Variants in DCC observed in about 807,000 individuals in gnomAD.
The protein encoded by DCC is netrin receptor DCC.
Under a neutral mutation model 172.5 loss-of-function variants are expected in DCC, and 58 were observed. That is an observed-to-expected ratio of 0.34 (90% CI 0.27 to 0.42). The LOEUF (loss-of-function observed/expected upper bound fraction) is 0.42. Among genes scored for constraint, DCC ranks in the 10% least tolerant of loss-of-function variants. The pLI, the probability that DCC is intolerant of heterozygous loss-of-function variation, is 1.00. For missense variants in DCC, 1,740 were observed against 1,791.0 expected (o/e 0.97, Z 0.51); for synonymous variants, 709 against 644.5 (o/e 1.10, Z -1.52).
chr18:52,750,103 G>C (rs1448954513), intron 1 of DCC, among the ~76,000 whole-genome samples: 1 of 152,170 alleles, frequency 6.6e-6, no homozygotes, highest in Non-Finnish European at 1.5e-5. Context: ...GATTCAGCAA[G>C]CTTAGAGCAG....
intron 1 of DCC, among the ~76,000 whole-genome samples, chr18:52,373,889 T>A (rs1171504671): frequency 8.3e-6 from 1 of 119,932 alleles, no homozygotes; most frequent in African/African-American, 3.2e-5. Flanking sequence ...GGTTGCATCA[T>A]TTTTTTTTTT....
intron 3 of DCC, among the ~76,000 whole-genome samples, chr18:52,920,485 T>C (rs1368111645): frequency 6.6e-6 from 1 of 151,088 alleles, no homozygotes; most frequent in Non-Finnish European, 1.5e-5. Flanking sequence ...TTAAAACATC[T>C]ATTATATACC....
At chr18:52,875,030 T>G (rs961526988) in intron 2 of DCC, among the ~76,000 whole-genome samples, 1 of 152,104 alleles carries the variant, frequency 6.6e-6, no homozygotes, top group Non-Finnish European at 1.5e-5. Flanking sequence ...GAATATTGCC[T>G]TCTGGGGTGT....
chr18:52,406,924 C>T (rs746126661), intron 1 of DCC, among the ~76,000 whole-genome samples: 2 of 152,008 alleles, frequency 1.3e-5, no homozygotes, highest in South Asian at 2.1e-4. Flanking sequence ...TGGTTGCATT[C>T]TCTGCCAGGT....
intron 5 of DCC, chr18:52,940,896 G>A (rs566607846): frequency 6.6e-6 from 1 of 152,252 alleles, no homozygotes; most frequent in South Asian, 2.1e-4. Flanking sequence ...GAACAGAGTA[G>A]TATTTTAGTA....
At chr18:53,129,641 G>C (rs1358448224) in intron 7 of DCC, among the ~76,000 whole-genome samples, 2 of 151,890 alleles carry the variant, frequency 1.3e-5, no homozygotes, top group Non-Finnish European at 2.9e-5. Context: ...TTCATCCATG[G>C]TTGTGTGTGT....
chr18:53,498,847 C>G (rs1033136342), intron 26 of DCC, among the ~76,000 whole-genome samples: 2 of 152,162 alleles, frequency 1.3e-5, no homozygotes, highest in African/African-American at 4.8e-5. Context: ...CATCCTGTAA[C>G]TCTGATTTGT....
chr18:52,398,140 A>G (rs1319048046), intron 1 of DCC, among the ~76,000 whole-genome samples: 2 of 151,968 alleles, frequency 1.3e-5, no homozygotes, highest in East Asian at 1.9e-4. Context: ...TACATTGGTA[A>G]TAGAATAGGA....
chr18:52,893,331 G>A, intron 2 of DCC, among the ~76,000 whole-genome samples: 1 of 141,824 alleles, frequency 7.1e-6, no homozygotes, highest in African/African-American at 2.4e-5. Context: ...CCATATGAAG[G>A]CAAAAGCTTA....
intron 2 of DCC, among the ~76,000 whole-genome samples, chr18:52,879,412 C>CCTTTTTTTTTTTTTTTTTTTTTTT (rs2039447955): frequency 4.8e-5 from 3 of 62,356 alleles, no homozygotes; most frequent in African/African-American, 1.4e-4. Context: ...TGTTGTTTGG[C>CCTTTTTTTTTTTTTTTTTTTTTTT]TTTTTTTTTT....
rs1406684739 is a variant in DCC, at chr18:53,535,135, T to C, written c.*4482T>C. ...ATCTGACAATTCTGAACTTTGTGAA[T>C]TGTCAGCTTGTTTGGGGGAAGGGTG... On this transcript the variant is annotated 3_prime_UTR_variant, in exon 29 of 29. Transcript: ENST00000442544. 3 of 150,266 alleles carry C rather than the reference T, an allele frequency of 2.0e-5. No individual in the cohort carries two copies. In the Admixed American group the frequency reaches 2.0e-4, roughly 10 times the overall value. The allele number at this position is 150,266 out of a possible 1,614,324, so 9.3% of individuals were successfully genotyped here.
At chr18:53,091,784 G>A (rs570086347) in intron 7 of DCC, among the ~76,000 whole-genome samples, 168 of 151,720 alleles carry the variant, frequency 1.1e-3, no homozygotes, top group Middle Eastern at 3.4e-3. Flanking sequence ...TGAATGTTAC[G>A]TTCAGTCCAT....
At chr18:52,706,565 C>A (rs1000741486) in intron 1 of DCC, among the ~76,000 whole-genome samples, 3 of 152,176 alleles carry the variant, frequency 2.0e-5, no homozygotes, top group African/African-American at 7.2e-5. Flanking sequence ...CCATTCTAAT[C>A]TTCACCTCAA....
At chr18:52,945,145 CTAAAAA>C (rs1339377190) in intron 5 of DCC, among the ~76,000 whole-genome samples, 1 of 152,152 alleles carries the variant, frequency 6.6e-6, no homozygotes, top group Non-Finnish European at 1.5e-5. Flanking sequence ...AAAGTAACCT[CTAAAAA>C]TAATTTGACA....
chr18:52,350,878 AGACTTTCGT>A (rs1387225689), intron 1 of DCC, among the ~76,000 whole-genome samples: 5 of 152,136 alleles, frequency 3.3e-5, no homozygotes, highest in Non-Finnish European at 7.4e-5. Flanking sequence ...AAACATCTCC[AGACTTTCGT>A]GACCCTTTCT....
intron 7 of DCC, among the ~76,000 whole-genome samples, chr18:53,155,463 CAGCA>C (rs1231159030): frequency 6.6e-6 from 1 of 152,178 alleles, no homozygotes; most frequent in Non-Finnish European, 1.5e-5. Flanking sequence ...AGAGTTATCA[CAGCA>C]AAGCTGAATT....
chr18:52,349,187 CCA>C (rs1984009551), intron 1 of DCC, among the ~76,000 whole-genome samples: 1 of 152,134 alleles, frequency 6.6e-6, no homozygotes, highest in Non-Finnish European at 1.5e-5. Context: ...ACCATCCCCC[CCA>C]ATTTTTGTTT....
chr18:53,365,049 A>G (rs561254833), intron 15 of DCC, among the ~76,000 whole-genome samples: 3 of 152,084 alleles, frequency 2.0e-5, no homozygotes, highest in Non-Finnish European at 2.9e-5. Context: ...TACATTAGGT[A>G]TATCTCCTAA....
chr18:52,439,059 G>GA (rs34151908), intron 1 of DCC, among the ~76,000 whole-genome samples: 4 of 151,938 alleles, frequency 2.6e-5, no homozygotes, highest in Non-Finnish European at 5.9e-5. Flanking sequence ...AAGTGTGGGA[G>GA]AAAAAAAGGT....
Sources: gnomAD v4.1 joint callset for allele counts (sites outside exome capture counted in the v4.1 genomes callset) on GRCh38, gnomAD v4.1.1 for gene constraint, MANE v1.5 for transcripts, NCBI Gene and HGNC (gene_info 2026-07-23, HGNC 2026-07-21) for gene names.